CPS1: variants seen among roughly 807,000 people sequenced by gnomAD.
The protein encoded by CPS1 is carbamoyl-phosphate synthase [ammonia], mitochondrial.
CPS1 carries 109 observed loss-of-function variants against 174.6 expected under a neutral mutation model. That is an observed-to-expected ratio of 0.62 (90% CI 0.53 to 0.73). CPS1 has a LOEUF of 0.73. Ranked by LOEUF, CPS1 falls within the 30% of genes least tolerant of loss-of-function variation. CPS1 has a pLI of 0.00. For synonymous variants in CPS1, 637 were observed against 632.0 expected, an observed-to-expected ratio of 1.01 and a Z score of -0.12; for missense variants, 1,689 against 1,821.9, an observed-to-expected ratio of 0.93 and a Z score of 1.33.
Position 210,674,899 on chromosome 2 carries a change from C to T in CPS1, c.4102-3C>T. On this transcript the variant is annotated splice_region_variant and splice_polypyrimidine_tract_variant and intron_variant, in intron 34 of 37. Transcript: ENST00000233072. ...AAGTGAATTTTGTGAAATTCCTTTT[C>T]AGCAATCATTCCGGCCAAGATTCCT... 1 of 1,612,900 alleles carries T rather than the reference C, an allele frequency of 6.2e-7. No individual in the cohort carries two copies. Among genetic ancestry groups the T allele is most frequent in the Non-Finnish European group, 8.5e-7 (1 of 1,178,930 alleles).
intron 1 of CPS1, among the ~76,000 whole-genome samples, chr2:210,536,393 T>C (rs901457950): frequency 6.7e-6 from 1 of 150,080 alleles, no homozygotes; most frequent in Non-Finnish European, 1.5e-5. Context: ...TGATCTCGGC[T>C]CACTGCAAGC....
intron 27 of CPS1, among the ~76,000 whole-genome samples, chr2:210,649,877 A>G (rs1164900459): frequency 1.3e-5 from 2 of 152,178 alleles, no homozygotes; most frequent in Non-Finnish European, 2.9e-5. Flanking sequence ...AGCAAATATT[A>G]CTTTAAAAAT....
intron 1 of CPS1, among the ~76,000 whole-genome samples, chr2:210,521,979 T>C (rs1189315660): frequency 6.6e-6 from 1 of 151,954 alleles, no homozygotes; most frequent in Non-Finnish European, 1.5e-5. Flanking sequence ...CTCTTATGAC[T>C]TCTTAGGTGG....
intron 1 of CPS1, chr2:210,519,676 T>G (rs1695770221): frequency 1.1e-6 from 1 of 889,522 alleles, no homozygotes. Flanking sequence ...CACAGGCACG[T>G]GACCCAAGCC....
At chr2:210,572,115 A>G (rs952384448) in intron 1 of CPS1, among the ~76,000 whole-genome samples, 1 of 151,884 alleles carries the variant, frequency 6.6e-6, no homozygotes, top group Non-Finnish European at 1.5e-5. Flanking sequence ...TCTTTTCTCT[A>G]TATGCCTGTC....
intron 19 of CPS1, among the ~76,000 whole-genome samples, chr2:210,610,944 T>C (rs758265305): frequency 2.6e-5 from 4 of 151,904 alleles, no homozygotes; most frequent in Non-Finnish European, 4.4e-5. Flanking sequence ...AGATAAATTT[T>C]AAATATGTAA....
chr2:210,575,376 A>G (rs1041936609), intron 2 of CPS1, among the ~76,000 whole-genome samples: 5 of 152,118 alleles, frequency 3.3e-5, no homozygotes, highest in Non-Finnish European at 5.9e-5. Context: ...GGAAGAGAGC[A>G]GGAAAAAAAC....
chr2:210,558,748 C>T (rs1474448134), intron 1 of CPS1, among the ~76,000 whole-genome samples: 1 of 152,034 alleles, frequency 6.6e-6, no homozygotes, highest in Non-Finnish European at 1.5e-5. Context: ...CATACAACCA[C>T]CACCACAATC....
chr2:210,499,503 C>T (rs1260164619), intron 1 of CPS1, among the ~76,000 whole-genome samples: 1 of 152,158 alleles, frequency 6.6e-6, no homozygotes, highest in Non-Finnish European at 1.5e-5. Context: ...AGCAAGCGCT[C>T]CAATCTCTGG....
chr2:210,534,709 C>T (rs528666852), intron 1 of CPS1, among the ~76,000 whole-genome samples: 2 of 152,280 alleles, frequency 1.3e-5, no homozygotes, highest in East Asian at 1.9e-4. Context: ...TAGGTCAAGT[C>T]CCCATTTGTT....
At chr2:210,574,011 G>A (rs1407268451) in intron 2 of CPS1, among the ~76,000 whole-genome samples, 1 of 151,892 alleles carries the variant, frequency 6.6e-6, no homozygotes, top group East Asian at 1.9e-4. Flanking sequence ...AACATGTACA[G>A]CAATGAAAAC....
intron 15 of CPS1, among the ~76,000 whole-genome samples, chr2:210,601,102 T>A (rs944060485): frequency 6.6e-6 from 1 of 151,680 alleles, no homozygotes; most frequent in Non-Finnish European, 1.5e-5. Flanking sequence ...TTGCTTTAAA[T>A]TTTTTTTAAA....
chr2:210,665,239 T>C (rs1360310251), intron 33 of CPS1, among the ~76,000 whole-genome samples: 1 of 152,196 alleles, frequency 6.6e-6, no homozygotes, highest in Non-Finnish European at 1.5e-5. Flanking sequence ...CTGAAGGTTA[T>C]AGTCATAAGA....
intron 21 of CPS1, among the ~76,000 whole-genome samples, chr2:210,627,326 A>G (rs1414337629): frequency 6.6e-6 from 1 of 152,180 alleles, no homozygotes; most frequent in Non-Finnish European, 1.5e-5. Context: ...AAAGATTTGT[A>G]TATATTTATA....
In CPS1 at chr2:210,489,158, A is replaced by ACAGCCC. The variant is rs1215629502; in HGVS notation, c.3+11393_3+11398dup. On this transcript the variant is annotated intron_variant, in intron 1 of 38. Transcript: ENST00000430249. ...ATCTTTAAGGCCTGGATCAGTGCAAACAGCCCTGAAAAAGGAAATCTCGAG... is the reference window on the plus strand; with the variant it reads ...ATCTTTAAGGCCTGGATCAGTGCAAACAGCCCCAGCCCTGAAAAAGGAAATCTCGAG... Among the ~76,000 whole-genome samples, 116 of 152,320 alleles carry ACAGCCC rather than the reference A, an allele frequency of 7.6e-4. 2 individuals carry two copies. The highest frequency in any genetic ancestry group is 1.9e-4 in the Non-Finnish European group (13 of 68,032).
intron 21 of CPS1, among the ~76,000 whole-genome samples, chr2:210,626,704 A>T: frequency 6.6e-6 from 1 of 152,194 alleles, no homozygotes; most frequent in East Asian, 1.9e-4. Context: ...AAAATTATTC[A>T]CGTTTTCAAA....
Position 210,678,009 on chromosome 2 carries a change from T to C in CPS1, c.*24T>C. 6.5e-7 allele frequency: 1 copy of C among 1,545,664 alleles called. No homozygotes were observed. Among genetic ancestry groups the C allele is most frequent in the Non-Finnish European group, 8.9e-7 (1 of 1,117,582 alleles). On this transcript the variant is annotated 3_prime_UTR_variant, in exon 38 of 38. Transcript: ENST00000233072. ...AGAGATGCAGACACCCCAGCCCCAT[T>C]ATTAAATCAACCTGAGCCACATGTT...
intron 21 of CPS1, among the ~76,000 whole-genome samples, chr2:210,634,046 G>A (rs749151096): frequency 3.0e-4 from 46 of 152,126 alleles, no homozygotes; most frequent in Non-Finnish European, 8.8e-5. Context: ...GTGCATACTT[G>A]CACATAAACA....
chr2:210,590,350 T>G, intron 8 of CPS1, 116 bp downstream of exon 8: 1 of 1,460,860 alleles, frequency 6.8e-7, no homozygotes, highest in South Asian at 1.1e-5. Context: ...TGCTGGTATT[T>G]GTGACTTCTG....
Sources: allele counts gnomAD v4.1 joint callset (sites outside exome capture counted in the v4.1 genomes callset), GRCh38; gene constraint gnomAD v4.1.1; transcripts MANE v1.5; gene names NCBI Gene and HGNC (gene_info 2026-07-23, HGNC 2026-07-21).